TSPAN12: variants seen among roughly 807,000 people sequenced by gnomAD.
The protein encoded by TSPAN12 is tetraspanin 12.
Under a neutral mutation model 39.2 loss-of-function variants are expected in TSPAN12, and 19 were observed. The ratio of observed to expected loss-of-function variants is 0.49; its 90% CI spans 0.34 to 0.71. The LOEUF is 0.71. Ranked by LOEUF, TSPAN12 falls within the 30% of genes least tolerant of loss-of-function variation. The probability of loss-of-function intolerance (pLI) is 0.01; values close to 1 mark genes in which losing one functional copy is unlikely to be tolerated. For synonymous variants in TSPAN12, 119 were observed against 124.8 expected, an observed-to-expected ratio of 0.95 and a Z score of 0.31; for missense variants, 314 against 359.9, an observed-to-expected ratio of 0.87 and a Z score of 1.03.
At chr7:120,834,327 G>A (rs1794439118) in intron 4 of TSPAN12, among the ~76,000 whole-genome samples, 1 of 152,094 alleles carries the variant, frequency 6.6e-6, no homozygotes, top group Admixed American at 6.6e-5. Context: ...AAATTAGGGT[G>A]CTTTAACAAC....
At chr7:120,844,658 G>GCAAGGGGTGGGCCCC in intron 2 of TSPAN12, among the ~76,000 whole-genome samples, 1 of 152,350 alleles carries the variant, frequency 6.6e-6, no homozygotes, top group South Asian at 2.1e-4. Flanking sequence ...CAAAACTGAT[G>GCAAGGGGTGGGCCCC]CAAGGGGTGG....
rs558955385 is a variant in TSPAN12, at chr7:120,853,371, T to A, written c.66+3327A>T. Among the ~76,000 whole-genome samples, 335 of 151,174 alleles carry A rather than the reference T, an allele frequency of 2.2e-3. 2 individuals carry two copies. The highest frequency in any genetic ancestry group is 7.8e-3 in the African/African-American group (322 of 41,232). ...CCTCCCAAAGTGCTTGCATTACAGG[T>A]GTGAGCCACTGCACCCAGCCTCAAC... On this transcript the variant is annotated intron_variant, in intron 2 of 7. Transcript: ENST00000222747.
rs1584954293 is a variant in TSPAN12, at chr7:120,849,125, A to G, written c.66+7573T>C. On this transcript the variant is annotated intron_variant, in intron 2 of 7. Transcript: ENST00000222747. Reference sequence around the variant, plus strand: ...CTCCTTTTGCTTTCTCCAGTATTGCAACATGTTACCTGAAGCTCAAGGAGA... The same window carrying G: ...CTCCTTTTGCTTTCTCCAGTATTGCGACATGTTACCTGAAGCTCAAGGAGA... Among the ~76,000 whole-genome samples, 2 of 152,356 alleles carry G rather than the reference A, an allele frequency of 1.3e-5. 1 individual carries two copies. Among genetic ancestry groups the G allele is most frequent in the South Asian group, 4.1e-4 (2 of 4,828 alleles).
chr7:120,801,227 A>T (rs190459659), intron 7 of TSPAN12, among the ~76,000 whole-genome samples: 5 of 152,086 alleles, frequency 3.3e-5, no homozygotes, highest in African/African-American at 1.2e-4. Flanking sequence ...CACATTTGTC[A>T]TCATGGGGTT....
chr7:120,856,867 T>G, intron 1 of TSPAN12, 34 bp from the exon 2 acceptor site: 1 of 1,255,082 alleles, frequency 8.0e-7, no homozygotes, highest in Middle Eastern at 2.0e-4. Context: ...ACACGGGACA[T>G]CTCACCATCA....
At chr7:120,827,655 G>A (rs762164286) in intron 4 of TSPAN12, among the ~76,000 whole-genome samples, 1 of 152,124 alleles carries the variant, frequency 6.6e-6, no homozygotes, top group African/African-American at 2.4e-5. Context: ...TGAATATAAC[G>A]ATGTTGAAAA....
chr7:120,842,332 T>G lies in TSPAN12; in HGVS notation c.67-2223A>C, dbSNP rs558238041. On this transcript the variant is annotated intron_variant, in intron 2 of 7. Coordinates refer to ENST00000222747, the MANE Select transcript of TSPAN12 (RefSeq NM_012338.4). ...TTTACCCAACAATTACTATGTGCCT[T>G]GGACTGGGCAAGATTCAGAGACTGA... 2.6e-5 allele frequency among the ~76,000 whole-genome samples: 4 copies of G among 152,108 alleles called. No homozygotes were observed. In the South Asian group the frequency reaches 8.3e-4, roughly 32 times the overall value.
chr7:120,857,037 A>G, intron 1 of TSPAN12: 1 of 538,990 alleles, frequency 1.9e-6, no homozygotes, highest in Non-Finnish European at 3.3e-6. Context: ...TTCAGATAAC[A>G]CCTGCTGGGA....
At chr7:120,819,843 A>G (rs1794155075) in intron 4 of TSPAN12, among the ~76,000 whole-genome samples, 1 of 152,156 alleles carries the variant, frequency 6.6e-6, no homozygotes, top group East Asian at 1.9e-4. Context: ...TATTGCACTG[A>G]GAATCACTCA....
At chr7:120,805,326 A>G (rs1433935909) in intron 7 of TSPAN12, among the ~76,000 whole-genome samples, 1 of 152,108 alleles carries the variant, frequency 6.6e-6, no homozygotes, top group African/African-American at 2.4e-5. Context: ...TACAATATAA[A>G]TTGACTGCCC....
At chr7:120,800,740 T>G (rs1793750693) in intron 7 of TSPAN12, among the ~76,000 whole-genome samples, 5 of 141,130 alleles carry the variant, frequency 3.5e-5, no homozygotes, top group South Asian at 2.4e-4. Context: ...AAGTTTTCCT[T>G]ATCGTTTTTT....
chr7:120,829,604 G>T (rs1445465845), intron 4 of TSPAN12, among the ~76,000 whole-genome samples: 5 of 152,136 alleles, frequency 3.3e-5, no homozygotes, highest in African/African-American at 1.2e-4. Context: ...AAGTAAATGA[G>T]AAAGTGAAAA....
In TSPAN12 at chr7:120,842,610, T is replaced by A. The variant is rs115780980; in HGVS notation, c.67-2501A>T. Among the ~76,000 whole-genome samples the A allele has an allele frequency of 5.0e-3, 758 of 152,148 alleles. 6 individuals carry two copies. Among genetic ancestry groups the A allele is most frequent in the African/African-American group, 0.017 (720 of 41,496 alleles). The stretch of plus-strand genomic sequence containing the variant: ...CTCCCAAGTTGAGAAACAGGCATGG[T>A]ATGTTTCACAGAGGGTAAAAACACT... On this transcript the variant is annotated intron_variant, in intron 2 of 7. Transcript: ENST00000222747.
In TSPAN12 at chr7:120,788,858, T is replaced by G; in HGVS notation, c.652A>C (p.Lys218Gln). 1 of 1,614,170 alleles carries G rather than the reference T, an allele frequency of 6.2e-7. No individual in the cohort carries two copies. Among genetic ancestry groups the G allele is most frequent in the Non-Finnish European group, 8.5e-7 (1 of 1,180,010 alleles). ...KKMYSFLRGTKQLQVLRFLGI... is the reference protein window; with the variant it reads ...KKMYSFLRGTQQLQVLRFLGI... Reference sequence around the variant, plus strand: ...AGAAACCTCAGCACCTGCAGTTGTTTGGTTCCTCTCAAAAAGGAATACATT... The same window carrying G: ...AGAAACCTCAGCACCTGCAGTTGTTGGGTTCCTCTCAAAAAGGAATACATT... The change falls in exon 8 of 8, where the codon AAA becomes CAA. Residue 218 changes from lysine to glutamine, a missense_variant. Transcript: ENST00000222747.
intron 4 of TSPAN12, among the ~76,000 whole-genome samples, chr7:120,826,988 G>A (rs1794300657): frequency 6.6e-6 from 1 of 152,160 alleles, no homozygotes; most frequent in Admixed American, 6.5e-5. Flanking sequence ...CTCCCAAAAT[G>A]CTGAGATTAT....
chr7:120,829,005 TTTG>T (rs1185519125), intron 4 of TSPAN12, among the ~76,000 whole-genome samples: 2 of 152,192 alleles, frequency 1.3e-5, no homozygotes, highest in African/African-American at 4.8e-5. Flanking sequence ...TTTAAGGAAA[TTTG>T]TTGTTTCTAA....
intron 5 of TSPAN12, among the ~76,000 whole-genome samples, chr7:120,811,770 A>C (rs778051351): frequency 2.0e-5 from 3 of 152,190 alleles, no homozygotes; most frequent in African/African-American, 4.8e-5. Flanking sequence ...ATGGAATTGC[A>C]GACCAATATT....
intron 7 of TSPAN12, among the ~76,000 whole-genome samples, chr7:120,802,998 T>G (rs564818228): frequency 2.0e-5 from 3 of 152,200 alleles, no homozygotes; most frequent in Non-Finnish European, 4.4e-5. Flanking sequence ...AGCCAGTTTT[T>G]ATCTCTGAGC....
chr7:120,835,307 C>T (rs1162100677), intron 4 of TSPAN12, among the ~76,000 whole-genome samples: 4 of 152,090 alleles, frequency 2.6e-5, no homozygotes, highest in Non-Finnish European at 4.4e-5. Context: ...GCCTTATTGC[C>T]GAATGACTTG....
Sources: allele counts gnomAD v4.1 joint callset (sites outside exome capture counted in the v4.1 genomes callset), GRCh38; gene constraint gnomAD v4.1.1; transcripts MANE v1.5; gene names NCBI Gene and HGNC (gene_info 2026-07-23, HGNC 2026-07-21).